Variants in CLTCL1 observed in about 807,000 individuals in gnomAD.
The protein encoded by CLTCL1 is clathrin heavy chain like 1.
Under a neutral mutation model 190.0 loss-of-function variants are expected in CLTCL1, and 159 were observed. The ratio of observed to expected loss-of-function variants is 0.84; its 90% confidence interval spans 0.74 to 0.95. The LOEUF is 0.95. Ranked by LOEUF, CLTCL1 falls within the 40% of genes least tolerant of loss-of-function variation. CLTCL1 has a pLI of 0.00. For missense variants in CLTCL1, 1,878 were observed against 2,033.4 expected, an observed-to-expected ratio of 0.92 and a Z score of 1.47; for synonymous variants, 752 against 769.6, an observed-to-expected ratio of 0.98 and a Z score of 0.38.
At position 19,223,826 on chromosome 22, in the gene CLTCL1, G is replaced by T. The variant is rs1317290389; in HGVS notation, c.2292+65C>A. 6.3e-6 allele frequency: 10 copies of T among 1,591,434 alleles called. No individual in the cohort carries two copies. In the East Asian group the frequency reaches 2.2e-4, roughly 36 times the overall value. On this transcript the variant is annotated intron_variant, in intron 14 of 32. Coordinates refer to ENST00000427926, the MANE Select transcript of CLTCL1 (RefSeq NM_007098.4). ...GCTTCCTGCCCCTGGGACGTCCTGC[G>T]GATGGTCTGCCCCACCTGCCATCAG...
intron 3 of CLTCL1, among the ~76,000 whole-genome samples, chr22:19,247,149 A>T (rs1467901164): frequency 1.3e-5 from 2 of 152,026 alleles, no homozygotes. Flanking sequence ...GAGGTTTCAG[A>T]TCTATTTTGA....
In CLTCL1 at chr22:19,209,074, T is replaced by A. The variant is rs782550370; in HGVS notation, c.3290A>T (p.Glu1097Val). Residue 1097 changes from glutamate (E) to valine (V), a missense_variant, in exon 21 of 33, where the codon GAG (glutamate) becomes GTG (valine). Coordinates refer to ENST00000427926, the MANE Select transcript of CLTCL1 (RefSeq NM_007098.4). ...AGGCTCATTGCATCTCTCCGCAAAC[T>A]CATATGCCCGGTCCAGGTTTCCAAT... is the stretch of plus-strand genomic sequence containing the variant. ...EHIGNLDRAYEFAERCNEPAV... is the reference protein window; with the variant it reads ...EHIGNLDRAYVFAERCNEPAV... The A allele has an allele frequency of 6.2e-7, 1 of 1,608,820 alleles. No individual in the cohort carries two copies. Among genetic ancestry groups the A allele is most frequent in the South Asian group, 1.1e-5 (1 of 89,942 alleles).
intron 2 of CLTCL1, among the ~76,000 whole-genome samples, chr22:19,264,661 C>A (rs1272068848): frequency 6.6e-6 from 1 of 152,070 alleles, no homozygotes; most frequent in African/African-American, 2.4e-5. Context: ...TGGTTTTAAA[C>A]CACAATTTGA....
rs782057086 is a variant in CLTCL1, at chr22:19,188,028, C to T, written c.4387G>A (p.Val1463Met). The T allele has an allele frequency of 1.2e-6, 2 of 1,614,054 alleles. No homozygotes were observed. Among genetic ancestry groups the T allele is most frequent in the Non-Finnish European group, 1.7e-6 (2 of 1,179,902 alleles). Reference protein sequence around the residue: ...RSVQSHNNKSVNEALNHLLTE... With the variant: ...RSVQSHNNKSMNEALNHLLTE... ...AGCAGGTGGTTGAGTGCCTCATTCA[C>T]ACTCTTGTTGTTGTGGCTCTGGACT... is the stretch of plus-strand genomic sequence containing the variant. The change falls in exon 28 of 33, where the codon GTG (valine) becomes ATG (methionine). Residue 1463 changes from valine to methionine, a missense_variant. Physicochemically the swap from Val to Met is conservative, Grantham distance 21 (BLOSUM62 1). Transcript: ENST00000427926.
intron 19 of CLTCL1, among the ~76,000 whole-genome samples, chr22:19,210,796 T>C (rs2085195361): frequency 6.6e-6 from 1 of 152,216 alleles, no homozygotes; most frequent in South Asian, 2.1e-4. Context: ...TGGATCCTGC[T>C]GTAGAGGTAC....
Position 19,216,105 on chromosome 22 carries a change from C to A in CLTCL1, c.3065+6G>T. The A allele has an allele frequency of 6.2e-7, 1 of 1,613,222 alleles. No homozygotes were observed. ...GTGTCCACAGCTACCCCTGGCATAG[C>A]CTCACCTGTGCTCGCTGAAGACAGA... On this transcript the variant is annotated splice_donor_region_variant and intron_variant, in intron 19 of 32. Coordinates refer to ENST00000427926, the MANE Select transcript of CLTCL1 (RefSeq NM_007098.4).
At position 19,215,558 on chromosome 22, in the gene CLTCL1, C is replaced by T. The variant is rs797034942; in HGVS notation, c.3065+553G>A. ...CGAAACACACACTCCCACCTCTATA[C>T]TGCCGGTCCGTGTGGAAGCGTGCAC... On this transcript the variant is annotated intron_variant, in intron 19 of 32. Transcript: ENST00000427926. 1.5e-4 allele frequency among the ~76,000 whole-genome samples: 23 copies of T among 152,252 alleles called. 1 individual carries two copies. Among genetic ancestry groups the T allele is most frequent in the African/African-American group, 5.1e-4 (21 of 41,554 alleles).
At chr22:19,285,034 G>T (rs554723302) in intron 1 of CLTCL1, among the ~76,000 whole-genome samples, 1 of 152,268 alleles carries the variant, frequency 6.6e-6, no homozygotes, top group African/African-American at 2.4e-5. Context: ...CCAGCACTTT[G>T]GGAGGCCGAG....
chr22:19,210,856 T>C (rs1555946341), intron 19 of CLTCL1, among the ~76,000 whole-genome samples: 1 of 152,168 alleles, frequency 6.6e-6, no homozygotes, highest in Non-Finnish European at 1.5e-5. Flanking sequence ...CTTTATCACA[T>C]CTACTGTATT....
chr22:19,187,335 T>A (rs1441032482), intron 29 of CLTCL1, among the ~76,000 whole-genome samples: 1 of 150,446 alleles, frequency 6.6e-6, no homozygotes, highest in Non-Finnish European at 1.5e-5. Context: ...TACAAGTCTT[T>A]CAATCCAAAC....
chr22:19,183,551 A>T lies in CLTCL1; in HGVS notation c.4666T>A (p.Trp1556Arg). The T allele has an allele frequency of 6.2e-7, 1 of 1,613,760 alleles. No individual in the cohort carries two copies. The highest frequency in any genetic ancestry group is 8.5e-7 in the Non-Finnish European group (1 of 1,179,866). Reference sequence around the variant, plus strand: ...TCCCTCTTGCCTTCCTCCAGGAACCACTGCAGCAACTTCTGGGCCAGCTCA... The same window carrying T: ...TCCCTCTTGCCTTCCTCCAGGAACCTCTGCAGCAACTTCTGGGCCAGCTCA... ...DAELAQKLLQ[W>R]FLEEGKRECF... is the part of the protein sequence containing the mutation. Residue 1556 changes from tryptophan to arginine, a missense_variant, in exon 30 of 33, where the codon TGG becomes AGG. Coordinates refer to ENST00000427926, the MANE Select transcript of CLTCL1 (RefSeq NM_007098.4).
chr22:19,253,709 T>C (rs2086665949), intron 3 of CLTCL1, among the ~76,000 whole-genome samples: 1 of 152,048 alleles, frequency 6.6e-6, no homozygotes, highest in Admixed American at 6.6e-5. Flanking sequence ...AACCAACTTT[T>C]TTTTTTTTTG....
At chr22:19,210,086 G>A (rs550177860) in intron 20 of CLTCL1, among the ~76,000 whole-genome samples, 2 of 152,138 alleles carry the variant, frequency 1.3e-5, no homozygotes, top group Admixed American at 1.3e-4. Context: ...AGGGAGTGCT[G>A]GGGAGTAATA....
At chr22:19,183,299 G>T in intron 30 of CLTCL1, 91 bp downstream of exon 30, 1 of 1,159,298 alleles carries the variant, frequency 8.6e-7, no homozygotes, top group Non-Finnish European at 1.2e-6. Flanking sequence ...GCCTCAAAGG[G>T]GCCCACCCTT....
chr22:19,291,670 C>A lies in CLTCL1; in HGVS notation c.-29G>T, dbSNP rs782703244. 2.9e-6 allele frequency: 4 copies of A among 1,359,014 alleles called. No homozygotes were observed. In the South Asian group the frequency reaches 5.3e-5, roughly 18 times the overall value. 84.2% of individuals were successfully genotyped at this position (1,359,014 alleles called of 1,614,324 possible). ...TGGTGCGGGACCTCGGCGGCGGCGG[C>A]GGCAGCGGCAGGAATGAACGCCGAC... On this transcript the variant is annotated 5_prime_UTR_variant, in exon 1 of 33. Transcript: ENST00000427926.
chr22:19,268,069 A>G (rs1032386792), intron 2 of CLTCL1, among the ~76,000 whole-genome samples: 4 of 152,112 alleles, frequency 2.6e-5, no homozygotes, highest in Admixed American at 1.3e-4. Flanking sequence ...TTCTCTCCAA[A>G]ATGCATGCTG....
intron 26 of CLTCL1, among the ~76,000 whole-genome samples, chr22:19,193,010 A>G (rs2084565271): frequency 6.6e-6 from 1 of 152,188 alleles, no homozygotes; most frequent in Non-Finnish European, 1.5e-5. Context: ...GGGGCTGAAG[A>G]GAAGGGTAGG....
chr22:19,232,577 T>C lies in CLTCL1; in HGVS notation c.1543A>G (p.Ile515Val). 1 of 1,613,382 alleles carries C rather than the reference T, an allele frequency of 6.2e-7. No individual in the cohort carries two copies. The change falls in exon 10 of 33, where the codon ATC (isoleucine) becomes GTC (valine). Residue 515 changes from isoleucine (I) to valine (V), a missense_variant. Physicochemically the swap from Ile to Val is conservative, Grantham distance 29 (BLOSUM62 3). Transcript: ENST00000427926. The stretch of plus-strand genomic sequence containing the variant: ...TTCATTACACCCCTCAGCAGAAAGA[T>C]CCAGTCTGGGGTGTACCCAACCTAG... ...AKKVGYTPDWIFLLRGVMKIS... is the reference protein window; with the variant it reads ...AKKVGYTPDWVFLLRGVMKIS...
intron 2 of CLTCL1, among the ~76,000 whole-genome samples, chr22:19,270,501 G>T (rs1204005246): frequency 6.6e-6 from 1 of 151,702 alleles, no homozygotes; most frequent in Non-Finnish European, 1.5e-5. Context: ...GCTGAGGCAG[G>T]TGGATCACAA....
Sources: allele counts gnomAD v4.1 joint callset (sites outside exome capture counted in the v4.1 genomes callset), GRCh38; gene constraint gnomAD v4.1.1; transcripts MANE v1.5; gene names NCBI Gene and HGNC (gene_info 2026-07-23, HGNC 2026-07-21).